Variants in MICU1 observed in about 807,000 individuals in gnomAD.
The protein encoded by MICU1 is mitochondrial calcium uptake 1, also known as calcium uptake protein 1, mitochondrial.
In MICU1, 45 loss-of-function variants were observed where a neutral mutation model predicts 56.8. The observed-to-expected ratio is 0.79, with a 90% CI of 0.62 to 1.02. The LOEUF is 1.02. MICU1 is among the 50% of genes least tolerant of loss of function. The pLI, the probability that MICU1 is intolerant of heterozygous loss-of-function variation, is 0.00. For missense variants in MICU1, 504 were observed against 587.1 expected, an observed-to-expected ratio of 0.86 and a Z score of 1.46; for synonymous variants, 186 against 195.1, an observed-to-expected ratio of 0.95 and a Z score of 0.39.
chr10:72,547,686 C>T lies in MICU1; in HGVS notation c.493+3493G>A, dbSNP rs989065228. 3.3e-5 allele frequency among the ~76,000 whole-genome samples: 5 copies of T among 152,090 alleles called. No homozygotes were observed. In the East Asian group the frequency reaches 7.7e-4, roughly 24 times the overall value. On this transcript the variant is annotated intron_variant, in intron 4 of 11. Transcript: ENST00000361114. ...ATGTATTTTATATATGGGTGAAGCA[C>T]AAAGGATAGAGAAACATGTTAAACA...
intron 5 of MICU1, among the ~76,000 whole-genome samples, chr10:72,512,389 G>A (rs989348311): frequency 2.0e-5 from 3 of 152,042 alleles, no homozygotes; most frequent in African/African-American, 4.8e-5. Context: ...TTACAGGCGT[G>A]AGCCACCATG....
At chr10:72,458,028 G>A (rs755939805) in intron 8 of MICU1, among the ~76,000 whole-genome samples, 8 of 151,878 alleles carry the variant, frequency 5.3e-5, no homozygotes, top group African/African-American at 1.7e-4. Context: ...TTAGCCACGC[G>A]TGGTGGCACG....
At chr10:72,541,398 TGCTTCTATAAATA>T (rs2132425097) in intron 4 of MICU1, among the ~76,000 whole-genome samples, 1 of 152,338 alleles carries the variant, frequency 6.6e-6, no homozygotes, top group African/African-American at 2.4e-5. Flanking sequence ...CTTCCCCAAC[TGCTTCTATAAATA>T]GCATCACTAT....
At chr10:72,456,849 T>TTGTGTGTGTGTGTGTGTGTGTGTG (rs56262647) in intron 8 of MICU1, among the ~76,000 whole-genome samples, 1 of 134,548 alleles carries the variant, frequency 7.4e-6, no homozygotes, top group Non-Finnish European at 1.6e-5. Context: ...CGGGCTCATT[T>TTGTGTGTGTGTGTGTGTGTGTGTG]TGTGTGTGTG....
chr10:72,547,663 G>A (rs1302032204), intron 4 of MICU1, among the ~76,000 whole-genome samples: 1 of 152,016 alleles, frequency 6.6e-6, no homozygotes, highest in Admixed American at 6.6e-5. Context: ...CACTTTCTAT[G>A]TATTTTATAT....
intron 8 of MICU1, among the ~76,000 whole-genome samples, chr10:72,471,275 G>A (rs779016853): frequency 6.6e-6 from 1 of 152,146 alleles, no homozygotes; most frequent in Non-Finnish European, 1.5e-5. Flanking sequence ...TAGTAGAGAT[G>A]GGGTTTCACC....
intron 1 of MICU1, among the ~76,000 whole-genome samples, chr10:72,618,429 TC>T (rs1272983317): frequency 3.9e-5 from 6 of 152,106 alleles, no homozygotes; most frequent in African/African-American, 1.4e-4. Flanking sequence ...CCATTATGCT[TC>T]AATACCATCT....
chr10:72,462,930 A>G (rs530922120), intron 8 of MICU1, among the ~76,000 whole-genome samples: 1 of 152,368 alleles, frequency 6.6e-6, no homozygotes, highest in Non-Finnish European at 1.5e-5. Flanking sequence ...TTAAAATGTA[A>G]CATTAAAGAT....
intron 1 of MICU1, among the ~76,000 whole-genome samples, chr10:72,601,164 G>C (rs1368110062): frequency 2.0e-5 from 3 of 152,158 alleles, no homozygotes; most frequent in African/African-American, 7.2e-5. Context: ...GTTCAGACCT[G>C]TAATCCCAAC....
rs1232154149 is a variant in MICU1, at chr10:72,375,863, T to C, written c.1190A>G (p.Gln397Arg). The change falls in exon 11 of 12, where the codon CAG becomes CGG. Residue 397 changes from glutamine to arginine, a missense_variant. By Grantham distance (43) the Gln-to-Arg change is conservative. Coordinates refer to ENST00000361114, the MANE Select transcript of MICU1 (RefSeq NM_001195518.2). ...AGASLDKVTM[Q>R]QVARTVAKVE... ...TTTAGCCACTGTCCTGGCCACCTGC[T>C]GCATGGTCACTGAAAAAAGAAAGAG... The C allele has an allele frequency of 6.2e-7, 1 of 1,613,014 alleles. No individual in the cohort carries two copies. The highest frequency in any genetic ancestry group is 8.5e-7 in the Non-Finnish European group (1 of 1,179,620).
intron 5 of MICU1, chr10:72,532,878 T>A: frequency 8.6e-7 from 1 of 1,166,678 alleles, no homozygotes; most frequent in Non-Finnish European, 1.1e-6. Context: ...CACTTATCTC[T>A]CCACCTTACC....
intron 8 of MICU1, among the ~76,000 whole-genome samples, chr10:72,429,088 T>C (rs1864441218): frequency 6.6e-6 from 1 of 152,116 alleles, no homozygotes; most frequent in South Asian, 2.1e-4. Context: ...GGATAATATA[T>C]GTAAAGAAAT....
chr10:72,571,287 CGAG>C (rs1359560596), intron 1 of MICU1, among the ~76,000 whole-genome samples: 11 of 152,122 alleles, frequency 7.2e-5, no homozygotes, highest in Non-Finnish European at 1.5e-4. Context: ...TCACTTGAAC[CGAG>C]GAGGCGGAGG....
chr10:72,578,749 A>G (rs1173127283), intron 1 of MICU1, among the ~76,000 whole-genome samples: 1 of 151,964 alleles, frequency 6.6e-6, no homozygotes, highest in African/African-American at 2.4e-5. Context: ...CTGGGACTAC[A>G]GGCACCTGCC....
chr10:72,524,683 T>A (rs1867916433), intron 5 of MICU1: 2 of 1,210,084 alleles, frequency 1.7e-6, no homozygotes, highest in Non-Finnish European at 2.1e-6. Context: ...GAAGCATTAC[T>A]ATGGATTTTG....
intron 11 of MICU1, among the ~76,000 whole-genome samples, chr10:72,371,756 T>A (rs72642243): frequency 0.012 from 1,723 of 143,078 alleles, 16 homozygotes; most frequent in East Asian, 0.06. Context: ...AAGAAAAAAA[T>A]ATATATATAT....
At chr10:72,375,713 C>A (rs1216460760) in intron 11 of MICU1, 70 bp downstream of exon 11, 1 of 1,421,328 alleles carries the variant, frequency 7.0e-7, no homozygotes, top group Admixed American at 2.2e-5. Context: ...CCGCAAGGCT[C>A]CATTATACAC....
rs146329348 is a variant in MICU1, at chr10:72,492,323, C to T, written c.653-15067G>A. On this transcript the variant is annotated intron_variant, in intron 6 of 11. Coordinates refer to ENST00000361114, the MANE Select transcript of MICU1 (RefSeq NM_001195518.2). ...AAAGCGGTAACCAATCGGGAGGGTA[C>T]GGAAATAATCCGAGAGATATGAGAA... Among the ~76,000 whole-genome samples, 67 of 151,978 alleles carry T rather than the reference C, an allele frequency of 4.4e-4. No individual in the cohort carries two copies. The East Asian group carries it at 9.8e-3, about 22-fold the overall frequency.
chr10:72,582,655 CTG>C (rs1225323441), intron 1 of MICU1: 1 of 151,982 alleles, frequency 6.6e-6, no homozygotes, highest in Non-Finnish European at 1.5e-5. Context: ...TGGCACAAGC[CTG>C]TATTCTCCAC....
Sources: gnomAD v4.1 joint callset for allele counts (sites outside exome capture counted in the v4.1 genomes callset) on GRCh38, gnomAD v4.1.1 for gene constraint, MANE v1.5 for transcripts, NCBI Gene and HGNC (gene_info 2026-07-23, HGNC 2026-07-21) for gene names.